The following ARID1B variants were observed in gnomAD, a reference collection of about 807,000 sequenced individuals.
ARID1B encodes AT-rich interaction domain 1B.
ARID1B carries 30 observed loss-of-function variants against 212.3 expected under a neutral mutation model. That is an observed-to-expected ratio of 0.14 (90% CI 0.11 to 0.19). The LOEUF (loss-of-function observed/expected upper bound fraction) is 0.19. Among genes scored for constraint, ARID1B ranks in the 10% least tolerant of loss-of-function variants. The pLI, the probability that ARID1B is intolerant of heterozygous loss-of-function variation, is 1.00. For synonymous variants in ARID1B, 1,402 were observed against 1,301.7 expected (o/e 1.08, Z -1.66); for missense variants, 2,891 against 3,204.0 (o/e 0.90, Z 2.36).
At chr6:156,780,921 C>G (rs1270458903) in intron 1 of ARID1B, among the ~76,000 whole-genome samples, 1 of 152,194 alleles carries the variant, frequency 6.6e-6, no homozygotes, top group African/African-American at 2.4e-5. Context: ...TTATAAAAGT[C>G]TTCCCTTTAC....
At position 157,206,462 on chromosome 6, in the gene ARID1B, C is replaced by G. The variant is rs1008434504; in HGVS notation, c.5690C>G (p.Pro1897Arg). ...ALTAPDAAAD[P>R]KEKPKQASKF... Reference sequence around the variant, plus strand: ...ACTGCCCCGGACGCCGCTGCAGACCCAAAGGAGAAGCCCAAGCAAGCCAGT... The same window carrying G: ...ACTGCCCCGGACGCCGCTGCAGACCGAAAGGAGAAGCCCAAGCAAGCCAGT... Residue 1897 changes from proline to arginine, a missense_variant, in exon 20 of 20, where the codon CCA (proline) becomes CGA (arginine). Transcript: ENST00000636930. This position sits in a 1 kb window ranked among gnomAD's most constrained non-coding sequence, Gnocchi z 6.8. 6.2e-7 allele frequency: 1 copy of G among 1,613,854 alleles called. No homozygotes were observed. Among genetic ancestry groups the G allele is most frequent in the African/African-American group, 1.3e-5 (1 of 74,992 alleles).
chr6:157,199,215 G>C (rs1449836411), intron 17 of ARID1B, among the ~76,000 whole-genome samples: 1 of 152,152 alleles, frequency 6.6e-6, no homozygotes, highest in Non-Finnish European at 1.5e-5. Context: ...TGTATCTATT[G>C]TGCATACTGT....
intron 12 of ARID1B, among the ~76,000 whole-genome samples, chr6:157,183,450 C>A (rs947209931): frequency 6.6e-6 from 1 of 152,246 alleles, no homozygotes; most frequent in Non-Finnish European, 1.5e-5. Flanking sequence ...AAAGGCAAAA[C>A]CTTCCCCAAG....
chr6:156,903,297 A>G (rs1314393856), intron 3 of ARID1B, among the ~76,000 whole-genome samples: 2 of 152,168 alleles, frequency 1.3e-5, no homozygotes, highest in African/African-American at 4.8e-5. Flanking sequence ...CTATCATTTT[A>G]TTGATTTGAA....
At chr6:157,018,646 C>T (rs1208263741) in intron 4 of ARID1B, among the ~76,000 whole-genome samples, 3 of 152,258 alleles carry the variant, frequency 2.0e-5, no homozygotes, top group Admixed American at 2.0e-4. Context: ...GGATTTCTGG[C>T]GTATGAGAAT....
At chr6:156,798,769 TG>T (rs1000158621) in intron 1 of ARID1B, among the ~76,000 whole-genome samples, 61 of 152,338 alleles carry the variant, frequency 4.0e-4, no homozygotes, top group African/African-American at 1.4e-3. Flanking sequence ...TTATTGCATT[TG>T]GGGAGTTAGT....
intron 1 of ARID1B, among the ~76,000 whole-genome samples, chr6:156,796,830 G>A (rs952137163): frequency 6.6e-6 from 1 of 152,196 alleles, no homozygotes; most frequent in Admixed American, 6.5e-5. Flanking sequence ...GCTCTGCTAA[G>A]CCCTGGGGTG....
chr6:156,817,582 G>T (rs890177783), intron 1 of ARID1B, among the ~76,000 whole-genome samples: 1 of 151,634 alleles, frequency 6.6e-6, no homozygotes, highest in Admixed American at 6.6e-5. Context: ...TGAGCTGATT[G>T]CACCACTGCA....
At position 157,139,296 on chromosome 6, in the gene ARID1B, G is replaced by A. The variant is rs191326375; in HGVS notation, c.2761+6089G>A. Among the ~76,000 whole-genome samples the A allele has an allele frequency of 9.8e-5, 15 of 152,312 alleles. No individual in the cohort carries two copies. In the East Asian group the frequency reaches 2.7e-3, roughly 27 times the overall value. On this transcript the variant is annotated intron_variant, in intron 7 of 19. Coordinates refer to ENST00000636930, the MANE Select transcript of ARID1B (RefSeq NM_001374828.1). The stretch of plus-strand genomic sequence containing the variant: ...TTAAGACAGCGGTGGGTGGCACCTA[G>A]AGAGGCAGGGTGTGGACATGCAGCT...
At chr6:157,021,202 T>C (rs957316032) in intron 4 of ARID1B, among the ~76,000 whole-genome samples, 1 of 152,244 alleles carries the variant, frequency 6.6e-6, no homozygotes, top group Non-Finnish European at 1.5e-5. Flanking sequence ...CGGTCCTCAC[T>C]GCGCGTCCAC....
chr6:157,057,035 C>T (rs1391118255), intron 4 of ARID1B, among the ~76,000 whole-genome samples: 1 of 150,898 alleles, frequency 6.6e-6, no homozygotes, highest in East Asian at 1.9e-4. Flanking sequence ...CGGAGTCTCA[C>T]TCTGTTGCTC....
intron 2 of ARID1B, among the ~76,000 whole-genome samples, chr6:156,897,208 TGCTG>T (rs1788493106): frequency 5.1e-5 from 4 of 77,762 alleles, no homozygotes; most frequent in African/African-American, 1.9e-4. Context: ...CTGCTGCTGC[TGCTG>T]CTGCTGCTTC....
chr6:156,863,746 T>C (rs1333127575), intron 2 of ARID1B, among the ~76,000 whole-genome samples: 1 of 152,198 alleles, frequency 6.6e-6, no homozygotes, highest in Non-Finnish European at 1.5e-5. Context: ...CTTGATTAAT[T>C]GAGCAATTGC....
chr6:157,119,962 A>G (rs971878844), intron 6 of ARID1B, among the ~76,000 whole-genome samples: 1 of 152,230 alleles, frequency 6.6e-6, no homozygotes. Context: ...CTATTTGTGA[A>G]ATGAGGATCA....
At chr6:156,797,960 C>CT (rs1344020572) in intron 1 of ARID1B, among the ~76,000 whole-genome samples, 3 of 152,232 alleles carry the variant, frequency 2.0e-5, no homozygotes, top group African/African-American at 7.2e-5. Context: ...ACATGCACAA[C>CT]TGAGGTGAGC....
intron 6 of ARID1B, among the ~76,000 whole-genome samples, chr6:157,118,504 A>G (rs6941159): frequency 0.3 from 45,771 of 152,160 alleles, 9,854 homozygotes; most frequent in African/African-American, 0.61. Flanking sequence ...CTTAGCCTCC[A>G]CTCTTAATTG....
At chr6:157,008,766 G>A (rs1049125423) in intron 4 of ARID1B, among the ~76,000 whole-genome samples, 2 of 151,968 alleles carry the variant, frequency 1.3e-5, no homozygotes, top group African/African-American at 2.4e-5. Flanking sequence ...GGAGGGGGGC[G>A]GCGCTCAGAT....
Position 157,101,715 on chromosome 6 carries a change from G to A in ARID1B, c.2492-8757G>A, listed in dbSNP as rs1447463048. Among the ~76,000 whole-genome samples, 5 of 151,638 alleles carry A rather than the reference G, an allele frequency of 3.3e-5. No homozygotes were observed. The East Asian group carries it at 9.7e-4, about 29-fold the overall frequency. On this transcript the variant is annotated intron_variant, in intron 5 of 19. Transcript: ENST00000636930. ...CTGCGAACTTGTAAGACAAATAAAT[G>A]TATATTCTAGACAGTGCTCTCTCTT...
chr6:157,208,927 T>C lies in ARID1B; in HGVS notation c.*1036T>C, dbSNP rs1794648145. 4.3e-6 allele frequency: 1 copy of C among 229,888 alleles called. No homozygotes were observed. Among genetic ancestry groups the C allele is most frequent in the Non-Finnish European group, 8.6e-6 (1 of 116,162 alleles). 14.2% of individuals were successfully genotyped at this position (229,888 alleles called of 1,614,324 possible). The stretch of plus-strand genomic sequence containing the variant: ...AGTTTCTGTATGTATAAAGTCATGC[T>C]CGATTTCAGGAGAGCAGCTGATCAC... On this transcript the variant is annotated 3_prime_UTR_variant, in exon 20 of 20. Transcript: ENST00000636930.
Sources: allele counts gnomAD v4.1 joint callset (sites outside exome capture counted in the v4.1 genomes callset), GRCh38; gene constraint gnomAD v4.1.1; non-coding constraint Gnocchi (gnomAD v3.1); transcripts MANE v1.5; gene names NCBI Gene and HGNC (gene_info 2026-07-23, HGNC 2026-07-21).